Variants in DCBLD2 observed in about 807,000 individuals in gnomAD.
The protein encoded by DCBLD2 is discoidin, CUB and LCCL domain-containing protein 2.
In DCBLD2, 54 loss-of-function variants were observed where a neutral mutation model predicts 86.8. The ratio of observed to expected loss-of-function variants is 0.62; its 90% confidence interval spans 0.50 to 0.78. The LOEUF is 0.78. Ranked by LOEUF, DCBLD2 falls within the 30% of genes least tolerant of loss-of-function variation. The pLI is 0.00. For missense variants in DCBLD2, 908 were observed against 954.2 expected, an observed-to-expected ratio of 0.95 and a Z score of 0.64; for synonymous variants, 354 against 341.3, an observed-to-expected ratio of 1.04 and a Z score of -0.41.
chr3:98,829,012 A>C (rs1289303065), intron 3 of DCBLD2, among the ~76,000 whole-genome samples: 3 of 152,208 alleles, frequency 2.0e-5, no homozygotes, highest in African/African-American at 7.2e-5. Flanking sequence ...TAGGGGGTTA[A>C]GAGGAGAGAA....
chr3:98,818,640 C>T (rs898283665), intron 8 of DCBLD2, among the ~76,000 whole-genome samples: 2 of 152,126 alleles, frequency 1.3e-5, no homozygotes, highest in African/African-American at 2.4e-5. Flanking sequence ...CAATCTGGGT[C>T]GGCACCATTT....
At chr3:98,808,256 T>C in intron 12 of DCBLD2, 82 bp from the exon 13 acceptor site, 1 of 1,224,624 alleles carries the variant, frequency 8.2e-7, no homozygotes, top group Non-Finnish European at 1.1e-6. Context: ...ATTAACCACA[T>C]CATCTTTCAA....
intron 1 of DCBLD2, among the ~76,000 whole-genome samples, chr3:98,898,571 C>T (rs1045263930): frequency 6.6e-6 from 1 of 152,050 alleles, no homozygotes; most frequent in Admixed American, 6.6e-5. Context: ...AGTTTATTTC[C>T]TTCCAGTCTT....
chr3:98,837,351 A>T (rs1404539370), intron 3 of DCBLD2, among the ~76,000 whole-genome samples: 11 of 3,098 alleles, frequency 3.6e-3, no homozygotes, highest in African/African-American at 4.9e-3. Context: ...GGGGCTCCTC[A>T]CTTCCCAGTA....
At chr3:98,849,934 A>T (rs1454386727) in intron 2 of DCBLD2, among the ~76,000 whole-genome samples, 1 of 152,226 alleles carries the variant, frequency 6.6e-6, no homozygotes, top group Non-Finnish European at 1.5e-5. Flanking sequence ...GTGGCTCACA[A>T]ATGAATTGAT....
chr3:98,852,721 G>A (rs559892654), intron 2 of DCBLD2, among the ~76,000 whole-genome samples: 1 of 152,320 alleles, frequency 6.6e-6, no homozygotes, highest in Admixed American at 6.5e-5. Context: ...ACACATGCCA[G>A]GTGGCCTGGA....
intron 3 of DCBLD2, among the ~76,000 whole-genome samples, chr3:98,840,675 T>C (rs1942604165): frequency 2.0e-5 from 3 of 152,078 alleles, no homozygotes; most frequent in African/African-American, 7.2e-5. Flanking sequence ...TTTTAAATTG[T>C]TGGTAAAGAT....
chr3:98,884,280 G>C, intron 1 of DCBLD2, among the ~76,000 whole-genome samples: 1 of 151,738 alleles, frequency 6.6e-6, no homozygotes, highest in Non-Finnish European at 1.5e-5. Flanking sequence ...TCATACACAA[G>C]AACTAGGCAT....
intron 4 of DCBLD2, among the ~76,000 whole-genome samples, chr3:98,823,882 T>C: frequency 6.6e-6 from 1 of 152,134 alleles, no homozygotes; most frequent in East Asian, 1.9e-4. Flanking sequence ...TATGCAGGAC[T>C]CTGTACCGCC....
At chr3:98,860,561 G>A (rs891460041) in intron 2 of DCBLD2, among the ~76,000 whole-genome samples, 11 of 152,194 alleles carry the variant, frequency 7.2e-5, no homozygotes, top group African/African-American at 2.2e-4. Flanking sequence ...GACAGTAGGG[G>A]CCAATATTCA....
At chr3:98,888,386 T>C (rs768605045) in intron 1 of DCBLD2, among the ~76,000 whole-genome samples, 1 of 152,040 alleles carries the variant, frequency 6.6e-6, no homozygotes, top group Admixed American at 6.6e-5. Flanking sequence ...CTACCTAGAA[T>C]GCAATGGTTA....
chr3:98,830,068 T>C (rs563276715), intron 3 of DCBLD2, among the ~76,000 whole-genome samples: 24 of 152,314 alleles, frequency 1.6e-4, no homozygotes, highest in Admixed American at 2.6e-4. Flanking sequence ...CTCATGTTCT[T>C]TACCTGCTTT....
chr3:98,829,192 T>C (rs1942278201), intron 3 of DCBLD2, among the ~76,000 whole-genome samples: 1 of 152,200 alleles, frequency 6.6e-6, no homozygotes, highest in Non-Finnish European at 1.5e-5. Flanking sequence ...ACGGGGTACA[T>C]GTGTAGGTTT....
At chr3:98,819,453 TA>T in intron 7 of DCBLD2, 36 bp from the exon 8 acceptor site, 1 of 1,610,746 alleles carries the variant, frequency 6.2e-7, no homozygotes, top group Non-Finnish European at 8.5e-7. Flanking sequence ...GGTTTCCAGG[TA>T]TAATTTCAAA....
At chr3:98,874,789 C>T (rs1943339325) in intron 2 of DCBLD2, among the ~76,000 whole-genome samples, 1 of 152,248 alleles carries the variant, frequency 6.6e-6, no homozygotes, top group Non-Finnish European at 1.5e-5. Flanking sequence ...ATCCCTCCAA[C>T]CTCGTCATGT....
chr3:98,848,767 T>C (rs973138395), intron 3 of DCBLD2, among the ~76,000 whole-genome samples: 2 of 152,190 alleles, frequency 1.3e-5, no homozygotes, highest in African/African-American at 4.8e-5. Flanking sequence ...ATCTTATTCT[T>C]TGAAAATAAT....
chr3:98,801,691 C>T, intron 13 of DCBLD2, 42 bp from the exon 14 acceptor site: 1 of 1,507,942 alleles, frequency 6.6e-7, no homozygotes, highest in South Asian at 1.2e-5. Context: ...AGAGTAAATT[C>T]ACTGGTAAGC....
intron 2 of DCBLD2, among the ~76,000 whole-genome samples, chr3:98,861,970 G>C (rs1340921944): frequency 3.3e-5 from 5 of 152,128 alleles, no homozygotes; most frequent in Non-Finnish European, 7.3e-5. Context: ...AAAATTGATA[G>C]ATTGCTAGCA....
intron 9 of DCBLD2, 95 bp downstream of exon 9, chr3:98,817,674 A>G: frequency 7.9e-7 from 1 of 1,263,140 alleles, no homozygotes; most frequent in Non-Finnish European, 1.1e-6. Flanking sequence ...AAGACATTCT[A>G]AACTTCTACA....
Sources: allele counts gnomAD v4.1 joint callset (sites outside exome capture counted in the v4.1 genomes callset), GRCh38; gene constraint gnomAD v4.1.1; transcripts MANE v1.5; gene names NCBI Gene and HGNC (gene_info 2026-07-23, HGNC 2026-07-21).